FOXJ2: variants seen among roughly 807,000 people sequenced by gnomAD.
FOXJ2 encodes forkhead box protein J2.
FOXJ2 carries 18 observed loss-of-function variants against 68.4 expected under a neutral mutation model. The observed-to-expected ratio is 0.26, with a 90% confidence interval of 0.18 to 0.39. The LOEUF is 0.39. FOXJ2 is among the 10% of genes least tolerant of loss of function. The pLI is 1.00. For synonymous variants in FOXJ2, 274 were observed against 263.2 expected (o/e 1.04, Z -0.40); for missense variants, 670 against 726.5 (o/e 0.92, Z 0.89).
In FOXJ2 at chr12:8,047,972, A is replaced by T. The variant is rs528926885; in HGVS notation, c.908A>T (p.Gln303Leu). Residue 303 changes from glutamine (Q) to leucine (L), a missense_variant, in exon 7 of 11, where the codon CAG becomes CTG. Physicochemically the swap from Gln to Leu is moderately radical, Grantham distance 113. Transcript: ENST00000162391. ...CCACCGCCACCTCAACAGCAGCAGC[A>T]GCAGCAGCAGCCGCCACAGCCACCT... ...QQPPPPQQQQ[Q>L]QQQPPQPPPQ... The T allele has an allele frequency of 1.2e-4, 199 of 1,613,178 alleles. 2 individuals are homozygous for T. The South Asian group carries it at 2.0e-3, about 17-fold the overall frequency.
intron 9 of FOXJ2, chr12:8,049,857 T>A (rs1947091777): frequency 9.3e-6 from 4 of 431,728 alleles, no homozygotes; most frequent in African/African-American, 6.0e-5. Context: ...TATTTTAAAT[T>A]TGCGTCTCAG....
Position 8,049,489 on chromosome 12 carries a change from T to C in FOXJ2, c.1455T>C (p.Gly485=), listed in dbSNP as rs780848530. The C allele has an allele frequency of 6.2e-7, 1 of 1,613,884 alleles. No homozygotes were observed. The part of the protein sequence containing the change: ...TQTGHVPPQG[G]THRPPAPARI... ...CTGGTCACGTGCCCCCTCAAGGGGGTACCCACCGCCCACCAGCCCCTGCCC... is the reference window on the plus strand; with the variant it reads ...CTGGTCACGTGCCCCCTCAAGGGGGCACCCACCGCCCACCAGCCCCTGCCC... The change falls in exon 9 of 11, where the codon GGT becomes GGC. Residue 485 remains glycine (G), a synonymous_variant. Transcript: ENST00000162391.
chr12:8,038,148 G>A lies in FOXJ2; in HGVS notation c.-14-1671G>A, dbSNP rs1238524099. The stretch of plus-strand genomic sequence containing the variant: ...AGCCTTGTGGAGTGAGTGTGTTGCT[G>A]GTTAGGAGCTGGGTACTTGTGCACA... On this transcript the variant is annotated intron_variant, in intron 1 of 10. Transcript: ENST00000162391. This position sits in a 1 kb window ranked among gnomAD's most constrained non-coding sequence, Gnocchi z 5.3. Among the ~76,000 whole-genome samples, 1 of 152,190 alleles carries A rather than the reference G, an allele frequency of 6.6e-6. No homozygotes were observed. Among genetic ancestry groups the A allele is most frequent in the Non-Finnish European group, 1.5e-5 (1 of 68,038 alleles).
At chr12:8,044,538 G>GAAAC (rs754665440) in intron 5 of FOXJ2, among the ~76,000 whole-genome samples, 44 of 152,044 alleles carry the variant, frequency 2.9e-4, no homozygotes, top group Admixed American at 1.3e-4. Flanking sequence ...CCCTGCCTCA[G>GAAAC]AAACAAACAA....
intron 5 of FOXJ2, 37 bp from the exon 6 acceptor site, chr12:8,044,723 G>C: frequency 6.2e-7 from 1 of 1,610,644 alleles, no homozygotes; most frequent in Admixed American, 1.7e-5. Context: ...TCCCTCAGCT[G>C]GGACACTGAT....
Position 8,050,556 on chromosome 12 carries a change from C to T in FOXJ2, c.1572C>T (p.Leu524=), listed in dbSNP as rs1947103197. 1 of 1,613,974 alleles carries T rather than the reference C, an allele frequency of 6.2e-7. No individual in the cohort carries two copies. The highest frequency in any genetic ancestry group is 8.5e-7 in the Non-Finnish European group (1 of 1,179,940). The change falls in exon 10 of 11, where the codon CTC becomes CTT. Residue 524 remains leucine (L), a synonymous_variant. Coordinates refer to ENST00000162391, the MANE Select transcript of FOXJ2 (RefSeq NM_018416.3). ...NSYGHPQAPH[L]YPGPSPMYPI... ...ATGGGCACCCACAAGCTCCCCACCT[C>T]TACCCTGGCCCATCACCAATGTACC...
chr12:8,053,951 G>A lies in FOXJ2; in HGVS notation c.*1101G>A, dbSNP rs1947156596. ...CACTCTGAGTTTCGTCGTGCCCTGA[G>A]ACATGATGGGAATCTCATTCCCACC... On this transcript the variant is annotated 3_prime_UTR_variant, in exon 11 of 11. Transcript: ENST00000162391. The surrounding 1 kb of genome is among the most constrained non-coding windows in gnomAD (Gnocchi z 4.1). 6.6e-6 allele frequency: 1 copy of A among 152,150 alleles called. No homozygotes were observed. The highest frequency in any genetic ancestry group is 1.5e-5 in the Non-Finnish European group (1 of 68,040). The allele number at this position is 152,150 out of a possible 1,614,324, so 9.4% of individuals were successfully genotyped here.
At chr12:8,045,183 A>C (rs545220578) in intron 6 of FOXJ2, among the ~76,000 whole-genome samples, 1 of 151,104 alleles carries the variant, frequency 6.6e-6, no homozygotes, top group Non-Finnish European at 1.5e-5. Context: ...ATCTGGGAGT[A>C]CAGGCACGTG....
chr12:8,048,329 G>A (rs35574503), intron 7 of FOXJ2, 40 bp downstream of exon 7: 87,663 of 1,512,310 alleles, frequency 0.058, 2,914 homozygotes, highest in Non-Finnish European at 0.069. Context: ...AGGAGGGTGG[G>A]GTGATGTCCT....
chr12:8,039,705 G>C, intron 1 of FOXJ2, 114 bp from the exon 2 acceptor site: 1 of 882,672 alleles, frequency 1.1e-6, no homozygotes, highest in Non-Finnish European at 1.8e-6. Flanking sequence ...GGAAGGCCAT[G>C]CCATGGGTGT....
Position 8,054,589 on chromosome 12 carries a change from G to A in FOXJ2, c.*1739G>A, listed in dbSNP as rs751536115. On this transcript the variant is annotated 3_prime_UTR_variant, in exon 11 of 11. Transcript: ENST00000162391. ...GGCTGAAGTAAAGGGGCAAGATAGG[G>A]CAGTTAACTAAAGAGCACTTTATTT... The A allele has an allele frequency of 1.3e-5, 2 of 152,612 alleles. No homozygotes were observed. The highest frequency in any genetic ancestry group is 1.9e-4 in the East Asian group (1 of 5,188). The allele number at this position is 152,612 out of a possible 1,614,324, so 9.5% of individuals were successfully genotyped here. A position where few individuals can be genotyped will look rare whatever the true frequency, so the allele number is the denominator to read the frequency against.
At chr12:8,034,737 C>T (rs922925528) in intron 1 of FOXJ2, among the ~76,000 whole-genome samples, 2 of 152,198 alleles carry the variant, frequency 1.3e-5, no homozygotes, top group Admixed American at 6.5e-5. Context: ...CAGAAAAGTA[C>T]CTAATAGTCT....
chr12:8,049,225 A>G, intron 8 of FOXJ2, 137 bp from the exon 9 acceptor site: 2 of 684,422 alleles, frequency 2.9e-6, no homozygotes, highest in South Asian at 3.9e-5. Flanking sequence ...GAGCTCTGAA[A>G]GATATAAATT....
At position 8,052,768 on chromosome 12, in the gene FOXJ2, A is replaced by G. The variant is rs1403039383; in HGVS notation, c.1643A>G (p.His548Arg). The stretch of plus-strand genomic sequence containing the variant: ...CTTTCTTTCTTTCTAACAGCACACC[A>G]TATGGTCCCTCGGCCATCAGTGCCA... ...DSAGYNRPAH[H>R]MVPRPSVPPP... Residue 548 changes from histidine (H) to arginine (R), a missense_variant, in exon 11 of 11, where the codon CAT (histidine) becomes CGT (arginine). Around this residue, in one of 2 missense-constraint regions of FOXJ2, gnomAD observed 555 missense variants for 562.2 expected, o/e 0.99. Transcript: ENST00000162391. 3 of 1,609,012 alleles carry G rather than the reference A, an allele frequency of 1.9e-6. No individual in the cohort carries two copies. The highest frequency in any genetic ancestry group is 1.7e-6 in the Non-Finnish European group (2 of 1,177,362).
rs1226234972 is a variant in FOXJ2, at chr12:8,040,852, A to C, written c.333+687A>C. ...CCTTCCTACCTAGAGGTAGGAGTCT[A>C]ATCTAGAGCATCAGATTTCCATAGC... On this transcript the variant is annotated intron_variant, in intron 2 of 10. Coordinates refer to ENST00000162391, the MANE Select transcript of FOXJ2 (RefSeq NM_018416.3). The surrounding 1 kb of genome is among the most constrained non-coding windows in gnomAD (Gnocchi z 4.0). Among the ~76,000 whole-genome samples, 1 of 152,160 alleles carries C rather than the reference A, an allele frequency of 6.6e-6. No homozygotes were observed. The highest frequency in any genetic ancestry group is 2.4e-5 in the African/African-American group (1 of 41,426).
At chr12:8,034,859 G>A (rs765289146) in intron 1 of FOXJ2, among the ~76,000 whole-genome samples, 3 of 152,234 alleles carry the variant, frequency 2.0e-5, no homozygotes, top group Non-Finnish European at 4.4e-5. Context: ...AGAAAAGGCA[G>A]GAAAAGGGTA....
Position 8,047,953 on chromosome 12 carries a change from C to T in FOXJ2, c.889C>T (p.Pro297Ser), listed in dbSNP as rs1211042837. ...YYMYQQQQPP[P>S]PQQQQQQQQP... ...CATGTATCAGCAGCAGCAGCCACCG[C>T]CACCTCAACAGCAGCAGCAGCAGCA... is the stretch of plus-strand genomic sequence containing the variant. Residue 297 changes from proline (P) to serine (S), a missense_variant, in exon 7 of 11, where the codon CCA becomes TCA. Coordinates refer to ENST00000162391, the MANE Select transcript of FOXJ2 (RefSeq NM_018416.3). 1.9e-6 allele frequency: 3 copies of T among 1,613,416 alleles called. No homozygotes were observed. The highest frequency in any genetic ancestry group is 3.3e-5 in the Admixed American group (2 of 59,966).
intron 6 of FOXJ2, among the ~76,000 whole-genome samples, chr12:8,046,225 C>T (rs1413206453): frequency 1.3e-5 from 2 of 152,132 alleles, no homozygotes; most frequent in South Asian, 2.1e-4. Context: ...AGAATCCCTG[C>T]GTTTCATTGT....
At chr12:8,041,358 C>T (rs1400667655) in intron 2 of FOXJ2, among the ~76,000 whole-genome samples, 3 of 151,376 alleles carry the variant, frequency 2.0e-5, no homozygotes, top group Admixed American at 6.6e-5. Context: ...CCTGCCACTG[C>T]AACCAGCTAA....
Sources: gnomAD v4.1 joint callset for allele counts (sites outside exome capture counted in the v4.1 genomes callset) on GRCh38, gnomAD v4.1.1 for gene constraint, gnomAD v4.1.1 regional missense constraint, Gnocchi (gnomAD v3.1) non-coding constraint, MANE v1.5 for transcripts, NCBI Gene and HGNC (gene_info 2026-07-23, HGNC 2026-07-21) for gene names.